Variants in AP4S1 observed in about 807,000 individuals in gnomAD.
AP4S1 encodes the protein AP-4 complex subunit sigma-1.
AP4S1 carries 23 observed loss-of-function variants against 19.8 expected under a neutral mutation model. The observed-to-expected ratio is 1.16, with a 90% CI of 0.84 to 1.65. The LOEUF (loss-of-function observed/expected upper bound fraction) is 1.65. AP4S1 is among the 40% of genes most tolerant of loss of function. AP4S1 has a pLI of 0.00. For missense variants in AP4S1, 166 were observed against 172.8 expected (o/e 0.96, Z 0.22); for synonymous variants, 46 against 54.1 (o/e 0.85, Z 0.66).
At chr14:31,080,686 A>C in intron 5 of AP4S1, 102 bp downstream of exon 5, 2 of 1,525,998 alleles carry the variant, frequency 1.3e-6, no homozygotes. Flanking sequence ...CAGAGTCCAG[A>C]GTGTTCATCA....
chr14:31,039,259 C>G (rs1884956933), intron 1 of AP4S1, among the ~76,000 whole-genome samples: 1 of 151,918 alleles, frequency 6.6e-6, no homozygotes, highest in African/African-American at 2.4e-5. Flanking sequence ...GCTCTCGGCT[C>G]ACTGCAACCT....
intron 1 of AP4S1, among the ~76,000 whole-genome samples, chr14:31,043,884 G>T (rs1053987678): frequency 6.6e-6 from 1 of 152,106 alleles, no homozygotes; most frequent in Non-Finnish European, 1.5e-5. Context: ...TCTCGCAGTT[G>T]CCATTTCCAT....
chr14:31,056,972 G>A (rs548063993), intron 1 of AP4S1, among the ~76,000 whole-genome samples: 23 of 152,282 alleles, frequency 1.5e-4, no homozygotes, highest in African/African-American at 5.5e-4. Context: ...TACTTGGGGG[G>A]CTGAGGTGGG....
At chr14:31,043,724 A>G (rs896368827) in intron 1 of AP4S1, among the ~76,000 whole-genome samples, 2 of 152,212 alleles carry the variant, frequency 1.3e-5, no homozygotes, top group East Asian at 1.9e-4. Flanking sequence ...CAAACATAAT[A>G]TAACAAACTC....
intron 4 of AP4S1, among the ~76,000 whole-genome samples, chr14:31,075,142 C>T (rs1355542688): frequency 6.6e-6 from 1 of 152,182 alleles, no homozygotes; most frequent in African/African-American, 2.4e-5. Flanking sequence ...TATCTAATTG[C>T]ATATTTGCAC....
intron 4 of AP4S1, 137 bp from the exon 5 acceptor site, chr14:31,080,436 G>A: frequency 1.4e-6 from 1 of 723,406 alleles, no homozygotes. Flanking sequence ...GAGTCAGACT[G>A]CTGTGGCCAC....
At chr14:31,079,441 C>T (rs1034077448) in intron 4 of AP4S1, among the ~76,000 whole-genome samples, 2 of 151,822 alleles carry the variant, frequency 1.3e-5, no homozygotes, top group African/African-American at 2.4e-5. Context: ...CGGAGGGACA[C>T]GGCTGCACAT....
At chr14:31,089,248 A>G (rs1888011504) in intron 5 of AP4S1, among the ~76,000 whole-genome samples, 1 of 152,060 alleles carries the variant, frequency 6.6e-6, no homozygotes, top group Non-Finnish European at 1.5e-5. Flanking sequence ...CTTCATGATG[A>G]TAGCCTTCTA....
rs1449333314 is a variant in AP4S1 at position 31,073,365 on chromosome 14, C to T, written c.294+392C>T. On this transcript the variant is annotated intron_variant, in intron 4 of 5. Coordinates refer to ENST00000542754, the MANE Select transcript of AP4S1 (RefSeq NM_001128126.3). The stretch of plus-strand genomic sequence containing the variant: ...ATTAGCTGGGCGTGGTGGTGGGCGC[C>T]TGTAGTCCCAGCTACTCCGGAGGCT... Among the ~76,000 whole-genome samples, 6 of 133,372 alleles carry T rather than the reference C, an allele frequency of 4.5e-5. 1 individual carries two copies. The highest frequency in any genetic ancestry group is 3.7e-3 in the Middle Eastern group (1 of 268). 87.5% of individuals were successfully genotyped at this position (133,372 alleles called of 152,430 possible). A position where few individuals can be genotyped will look rare whatever the true frequency, so the allele number is the denominator to read the frequency against.
intron 1 of AP4S1, among the ~76,000 whole-genome samples, chr14:31,040,053 G>A (rs1162802883): frequency 6.6e-6 from 1 of 151,680 alleles, no homozygotes; most frequent in Non-Finnish European, 1.5e-5. Flanking sequence ...TACAGAAACA[G>A]TCTCCATAAT....
At chr14:31,038,779 A>G (rs1337471986) in intron 1 of AP4S1, among the ~76,000 whole-genome samples, 1 of 152,214 alleles carries the variant, frequency 6.6e-6, no homozygotes, top group Non-Finnish European at 1.5e-5. Context: ...AAAGCATTCA[A>G]AACAATGCCT....
intron 1 of AP4S1, among the ~76,000 whole-genome samples, chr14:31,032,225 C>T (rs1253846268): frequency 1.3e-5 from 2 of 152,066 alleles, no homozygotes; most frequent in Non-Finnish European, 2.9e-5. Context: ...CTACTAAAAA[C>T]ACAAAAAATT....
intron 4 of AP4S1, among the ~76,000 whole-genome samples, chr14:31,074,364 T>TAAATAAAGAAAG (rs869200403): frequency 1.4e-5 from 1 of 73,260 alleles, no homozygotes; most frequent in African/African-American, 4.0e-5. Context: ...AATAAATAAA[T>TAAATAAAGAAAG]AAAGTAAGCT....
intron 1 of AP4S1, among the ~76,000 whole-genome samples, chr14:31,057,175 G>A (rs1886167033): frequency 6.6e-6 from 1 of 152,166 alleles, no homozygotes; most frequent in South Asian, 2.1e-4. Flanking sequence ...TATGAGTCAG[G>A]GGAGCAGAAT....
chr14:31,095,356 T>C lies in AP4S1; in HGVS notation c.*2321T>C, dbSNP rs1888173893. ...ATTAACTCTATAGAGAACATTACTTTCAAATAATGGATGGTCAGACATTAA... is the reference window on the plus strand; with the variant it reads ...ATTAACTCTATAGAGAACATTACTTCCAAATAATGGATGGTCAGACATTAA... On this transcript the variant is annotated 3_prime_UTR_variant, in exon 6 of 6. Coordinates refer to ENST00000542754, the MANE Select transcript of AP4S1 (RefSeq NM_001128126.3). 6.6e-6 allele frequency: 1 copy of C among 152,232 alleles called. No individual in the cohort carries two copies. Among genetic ancestry groups the C allele is most frequent in the African/African-American group, 2.4e-5 (1 of 41,456 alleles). The allele number at this position is 152,232 out of a possible 1,614,324, so 9.4% of individuals were successfully genotyped here. A position where few individuals can be genotyped will look rare whatever the true frequency, so the allele number is the denominator to read the frequency against.
chr14:31,043,880 A>G (rs1275854084), intron 1 of AP4S1, among the ~76,000 whole-genome samples: 2 of 152,180 alleles, frequency 1.3e-5, no homozygotes, highest in Non-Finnish European at 2.9e-5. Flanking sequence ...AGAATCTCGC[A>G]GTTGCCATTT....
At chr14:31,088,732 T>C (rs1887988794) in intron 5 of AP4S1, among the ~76,000 whole-genome samples, 1 of 135,130 alleles carries the variant, frequency 7.4e-6, no homozygotes, top group Non-Finnish European at 1.5e-5. Context: ...CGCTTGAACC[T>C]GGGAGGCGGA....
chr14:31,069,729 T>A (rs1566535191), intron 2 of AP4S1, 114 bp from the exon 3 acceptor site: 1 of 845,210 alleles, frequency 1.2e-6, no homozygotes, highest in Non-Finnish European at 2.0e-6. Flanking sequence ...CATCTTAATA[T>A]TCTATATTTC....
chr14:31,057,447 G>A (rs1386142191), intron 1 of AP4S1, among the ~76,000 whole-genome samples: 2 of 152,052 alleles, frequency 1.3e-5, no homozygotes, highest in African/African-American at 4.8e-5. Flanking sequence ...GACTCTCCTA[G>A]GTCTAACTCC....
Sources: gnomAD v4.1 joint callset for allele counts (sites outside exome capture counted in the v4.1 genomes callset) on GRCh38, gnomAD v4.1.1 for gene constraint, MANE v1.5 for transcripts, NCBI Gene and HGNC (gene_info 2026-07-23, HGNC 2026-07-21) for gene names.